The following FSHR variants were observed in gnomAD, a reference collection of about 807,000 sequenced individuals.
FSHR encodes the protein follicle stimulating hormone receptor.
FSHR carries 46 observed loss-of-function variants against 52.1 expected under a neutral mutation model. The observed-to-expected ratio is 0.88, with a 90% CI of 0.70 to 1.13. FSHR has a LOEUF of 1.13. FSHR is among the 50% of genes most tolerant of loss of function. The pLI, the probability that FSHR is intolerant of heterozygous loss-of-function variation, is 0.00. For missense variants in FSHR, 964 were observed against 834.6 expected, an observed-to-expected ratio of 1.16 and a Z score of -1.91; for synonymous variants, 399 against 309.6, an observed-to-expected ratio of 1.29 and a Z score of -3.03.
At chr2:49,017,680 A>C in intron 3 of FSHR, 117 bp from the exon 4 acceptor site, 1 of 764,548 alleles carries the variant, frequency 1.3e-6, no homozygotes, top group Admixed American at 2.0e-5. Flanking sequence ...CCACCCATCT[A>C]TTCATCCATC....
chr2:49,020,930 G>A (rs1017959114), intron 2 of FSHR, among the ~76,000 whole-genome samples: 8 of 152,100 alleles, frequency 5.3e-5, no homozygotes, highest in Non-Finnish European at 1.5e-5. Flanking sequence ...ACACACTGGG[G>A]CCTGTCAGGG....
rs1350977613 is a variant in FSHR, at chr2:49,058,277, A to G, written c.224+9942T>C. ...ATACATGGAAAAACTGGCCAGGTGC[A>G]GTGGCTCATGCCTGTAATCCCAGCA... On this transcript the variant is annotated intron_variant, in intron 2 of 9. Transcript: ENST00000406846. Among the ~76,000 whole-genome samples, 5 of 152,174 alleles carry G rather than the reference A, an allele frequency of 3.3e-5. 1 individual carries two copies. The highest frequency in any genetic ancestry group is 3.3e-4 in the Admixed American group (5 of 15,276).
chr2:48,996,826 A>G (rs912100466), intron 4 of FSHR, among the ~76,000 whole-genome samples: 1 of 152,156 alleles, frequency 6.6e-6, no homozygotes, highest in East Asian at 1.9e-4. Context: ...GATTGCAAAT[A>G]CATTTTAGCA....
intron 1 of FSHR, among the ~76,000 whole-genome samples, chr2:49,085,809 T>A (rs558515045): frequency 2.0e-5 from 3 of 152,254 alleles, no homozygotes; most frequent in Admixed American, 2.0e-4. Flanking sequence ...TTCATGTCCT[T>A]TGTAGGGACA....
intron 2 of FSHR, chr2:49,059,634 T>A (rs2104321604): frequency 6.5e-6 from 1 of 152,688 alleles, no homozygotes; most frequent in South Asian, 2.1e-4. Context: ...TATTAGAAAG[T>A]AATGGCAAAA....
chr2:49,135,631 T>G (rs922125347), intron 1 of FSHR, among the ~76,000 whole-genome samples: 2 of 152,124 alleles, frequency 1.3e-5, no homozygotes, highest in Non-Finnish European at 2.9e-5. Context: ...TTGAACAATG[T>G]GGAGGTTAGG....
At chr2:48,976,070 C>G (rs969672139) in intron 8 of FSHR, among the ~76,000 whole-genome samples, 3 of 152,146 alleles carry the variant, frequency 2.0e-5, no homozygotes, top group Non-Finnish European at 4.4e-5. Flanking sequence ...TGCCAGTTTT[C>G]AAAGGAAATG....
intron 6 of FSHR, among the ~76,000 whole-genome samples, chr2:48,985,782 C>T (rs1415092472): frequency 1.7e-5 from 2 of 120,984 alleles, no homozygotes; most frequent in Non-Finnish European, 1.7e-5. Flanking sequence ...GGCGCAATCT[C>T]GGCTCACTGC....
chr2:48,973,266 A>ACACACACACACACGCACACG (rs146365090), intron 8 of FSHR, among the ~76,000 whole-genome samples: 2 of 151,132 alleles, frequency 1.3e-5, no homozygotes, highest in East Asian at 3.9e-4. Context: ...ACACACACAC[A>ACACACACACACACGCACACG]CACATGCACA....
intron 1 of FSHR, among the ~76,000 whole-genome samples, chr2:49,075,734 C>A (rs1455647954): frequency 6.6e-6 from 1 of 151,854 alleles, no homozygotes; most frequent in Non-Finnish European, 1.5e-5. Flanking sequence ...CTTAATTGAT[C>A]CTGCCCCCTC....
intron 1 of FSHR, among the ~76,000 whole-genome samples, chr2:49,084,554 G>A (rs1670302984): frequency 2.0e-5 from 3 of 152,084 alleles, no homozygotes; most frequent in Non-Finnish European, 4.4e-5. Context: ...ATGAATCCAG[G>A]AGCTGGTTTT....
At chr2:49,104,851 A>T (rs1397802081) in intron 1 of FSHR, among the ~76,000 whole-genome samples, 1 of 140,346 alleles carries the variant, frequency 7.1e-6, no homozygotes, top group Non-Finnish European at 1.6e-5. Flanking sequence ...GGGGTGGGAA[A>T]GAGATGGGGG....
At chr2:49,047,469 C>T (rs1269850789) in intron 2 of FSHR, among the ~76,000 whole-genome samples, 12 of 152,270 alleles carry the variant, frequency 7.9e-5, no homozygotes, top group East Asian at 3.9e-4. Flanking sequence ...GCACGATCAC[C>T]CTGCTCTCAA....
At chr2:49,018,253 T>G (rs1268569229) in intron 3 of FSHR, among the ~76,000 whole-genome samples, 1 of 152,168 alleles carries the variant, frequency 6.6e-6, no homozygotes, top group Non-Finnish European at 1.5e-5. Flanking sequence ...CTGCCCTATT[T>G]TGGCTTGTGC....
intron 1 of FSHR, among the ~76,000 whole-genome samples, chr2:49,092,476 T>G (rs1490399589): frequency 6.6e-6 from 1 of 152,244 alleles, no homozygotes; most frequent in Non-Finnish European, 1.5e-5. Flanking sequence ...GTGTTTGTGG[T>G]AAATGCTCTT....
At chr2:48,979,741 G>A (rs930853664) in intron 8 of FSHR, among the ~76,000 whole-genome samples, 1 of 151,884 alleles carries the variant, frequency 6.6e-6, no homozygotes, top group Admixed American at 6.6e-5. Context: ...TTCCATCAAG[G>A]GTTCCCTGTA....
In FSHR at chr2:48,963,240, T is replaced by C; in HGVS notation, c.1581A>G (p.Ser527=). Residue 527 remains serine (S), a synonymous_variant, in exon 10 of 10, where the codon TCA becomes TCG. Coordinates refer to ENST00000406846, the MANE Select transcript of FSHR (RefSeq NM_000145.4). ...CLPMDIDSPL[S]QLYVMSLLVL... is the part of the protein sequence containing the mutation. ...CAAGGAGGGACATGACATACAGCTGTGACAAAGGGCTGTCAATATCCATGG... is the reference window on the plus strand; with the variant it reads ...CAAGGAGGGACATGACATACAGCTGCGACAAAGGGCTGTCAATATCCATGG... 2 of 1,614,084 alleles carry C rather than the reference T, an allele frequency of 1.2e-6. No homozygotes were observed. Among genetic ancestry groups the C allele is most frequent in the South Asian group, 1.1e-5 (1 of 91,062 alleles).
At chr2:49,035,263 G>A (rs1668236098) in intron 2 of FSHR, among the ~76,000 whole-genome samples, 1 of 152,240 alleles carries the variant, frequency 6.6e-6, no homozygotes, top group Non-Finnish European at 1.5e-5. Context: ...GTCCTTGTAT[G>A]CAACTTGCTC....
At position 48,964,062 on chromosome 2, in the gene FSHR, C is replaced by A. The variant is rs1387411264; in HGVS notation, c.855-96G>T. 1.7e-5 allele frequency: 23 copies of A among 1,348,820 alleles called. No homozygotes were observed. The Admixed American group carries it at 4.3e-4, about 25-fold the overall frequency. 83.6% of individuals were successfully genotyped at this position (1,348,820 alleles called of 1,614,324 possible). Reference sequence around the variant, plus strand: ...GCAGGGTAGAAATGATGAGTTTCTTCCTGAGATTTTTTTTTTTTCTTCTCA... The same window carrying A: ...GCAGGGTAGAAATGATGAGTTTCTTACTGAGATTTTTTTTTTTTCTTCTCA... On this transcript the variant is annotated intron_variant, in intron 9 of 9. Transcript: ENST00000406846.
Sources: gnomAD v4.1 joint callset for allele counts (sites outside exome capture counted in the v4.1 genomes callset) on GRCh38, gnomAD v4.1.1 for gene constraint, MANE v1.5 for transcripts, NCBI Gene and HGNC (gene_info 2026-07-23, HGNC 2026-07-21) for gene names.